The following ST8SIA4 variants were observed in gnomAD, a reference collection of about 807,000 sequenced individuals.
ST8SIA4 encodes CMP-N-acetylneuraminate-poly-alpha-2,8-sialyltransferase.
ST8SIA4 carries 15 observed loss-of-function variants against 33.9 expected under a neutral mutation model. That is an observed-to-expected ratio of 0.44 (90% CI 0.30 to 0.68). ST8SIA4 has a LOEUF of 0.68. ST8SIA4 is among the 30% of genes least tolerant of loss of function. ST8SIA4 has a pLI of 0.10. For missense variants in ST8SIA4, 321 were observed against 428.0 expected, an observed-to-expected ratio of 0.75 and a Z score of 2.21; for synonymous variants, 171 against 151.2, an observed-to-expected ratio of 1.13 and a Z score of -0.96.
At position 100,811,903 on chromosome 5, in the gene ST8SIA4, C is replaced by T. The variant is rs1486043870; in HGVS notation, c.1024G>A (p.Val342Met). The change falls in exon 5 of 5, where the codon GTG becomes ATG. Residue 342 changes from valine to methionine, a missense_variant. Val to Met is a conservative substitution (Grantham distance 21). Transcript: ENST00000231461. The stretch of plus-strand genomic sequence containing the variant: ...TTTAGAGCTCCTCTATTATGTAGCA[C>T]ATTTAATGTTTTGAATTCTAATGGC... ...RMPLEFKTLN[V>M]LHNRGALKLT... is the part of the protein sequence containing the mutation. 1 of 1,614,112 alleles carries T rather than the reference C, an allele frequency of 6.2e-7. No homozygotes were observed. The highest frequency in any genetic ancestry group is 1.1e-5 in the South Asian group (1 of 91,084).
intron 4 of ST8SIA4, among the ~76,000 whole-genome samples, chr5:100,844,423 T>G (rs1751526539): frequency 6.6e-6 from 1 of 151,838 alleles, no homozygotes; most frequent in South Asian, 2.1e-4. Context: ...TCCAGCAGAA[T>G]AGTGGGGAAC....
chr5:100,824,087 T>C (rs1751090226), intron 4 of ST8SIA4, among the ~76,000 whole-genome samples: 1 of 152,206 alleles, frequency 6.6e-6, no homozygotes, highest in Non-Finnish European at 1.5e-5. Flanking sequence ...AATCACTTGT[T>C]TGATGATTGG....
intron 4 of ST8SIA4, among the ~76,000 whole-genome samples, chr5:100,820,887 A>G (rs1751019442): frequency 6.6e-6 from 1 of 152,102 alleles, no homozygotes; most frequent in African/African-American, 2.4e-5. Flanking sequence ...GGCAAATTGG[A>G]GGTAGAGTAA....
At chr5:100,895,933 G>A in intron 1 of ST8SIA4, 148 bp from the exon 2 acceptor site, 1 of 710,370 alleles carries the variant, frequency 1.4e-6, no homozygotes, top group Non-Finnish European at 2.2e-6. Flanking sequence ...CATGATGAAA[G>A]GTGTTATGAG....
intron 3 of ST8SIA4, among the ~76,000 whole-genome samples, chr5:100,862,619 C>T (rs1257635263): frequency 6.6e-5 from 10 of 152,106 alleles, no homozygotes. Context: ...TCATGCTCGT[C>T]TTAAACTCCT....
At chr5:100,822,598 G>A (rs1035930894) in intron 4 of ST8SIA4, among the ~76,000 whole-genome samples, 1 of 152,156 alleles carries the variant, frequency 6.6e-6, no homozygotes, top group Non-Finnish European at 1.5e-5. Context: ...GAATCAATAT[G>A]TAAATGAAAT....
intron 3 of ST8SIA4, among the ~76,000 whole-genome samples, chr5:100,881,986 C>A (rs1214987942): frequency 6.6e-6 from 1 of 152,148 alleles, no homozygotes; most frequent in Non-Finnish European, 1.5e-5. Context: ...CAGCTGAATA[C>A]AAACTAATAC....
rs757726227 is a variant in ST8SIA4 at position 100,811,960 on chromosome 5, T to C, written c.967A>G (p.Arg323Gly). The stretch of plus-strand genomic sequence containing the variant: ...TGAGGGCTTGCATTGGAAAAGTACC[T>C]ATATTTTAAGTCATCATAATAATGA... ...KYHYYDDLKY[R>G]YFSNASPHRM... is the part of the protein sequence containing the mutation. Residue 323 changes from arginine (R) to glycine (G), a missense_variant, in exon 5 of 5, where the codon AGG (arginine) becomes GGG (glycine). By Grantham distance (125) the Arg-to-Gly change is moderately radical (BLOSUM62 -2). Coordinates refer to ENST00000231461, the MANE Select transcript of ST8SIA4 (RefSeq NM_005668.6). The C allele has an allele frequency of 6.2e-7, 1 of 1,614,132 alleles. No individual in the cohort carries two copies. The highest frequency in any genetic ancestry group is 1.7e-5 in the Admixed American group (1 of 60,020).
intron 4 of ST8SIA4, among the ~76,000 whole-genome samples, chr5:100,840,794 A>T (rs933782877): frequency 2.0e-5 from 3 of 151,892 alleles, no homozygotes; most frequent in Admixed American, 6.6e-5. Flanking sequence ...TAAGAAAAAA[A>T]AAAAGTCCCC....
chr5:100,869,228 A>G (rs1185197303), intron 3 of ST8SIA4, among the ~76,000 whole-genome samples: 1 of 152,156 alleles, frequency 6.6e-6, no homozygotes, highest in Admixed American at 6.5e-5. Context: ...AGGCACTGAC[A>G]AGTGTATTTG....
At chr5:100,902,336 A>G (rs1201286095) in intron 1 of ST8SIA4, among the ~76,000 whole-genome samples, 1 of 152,030 alleles carries the variant, frequency 6.6e-6, no homozygotes, top group Non-Finnish European at 1.5e-5. Flanking sequence ...TCTAATTCAA[A>G]TTATAACACA....
chr5:100,879,136 A>G (rs780785092), intron 3 of ST8SIA4, among the ~76,000 whole-genome samples: 9 of 152,206 alleles, frequency 5.9e-5, no homozygotes, highest in Non-Finnish European at 1.3e-4. Flanking sequence ...TTACCTTTCT[A>G]TACTTCTTGG....
chr5:100,816,636 T>C (rs1056143201), intron 4 of ST8SIA4: 1 of 502,984 alleles, frequency 2.0e-6, no homozygotes, highest in Non-Finnish European at 4.0e-6. Context: ...TAGAAGAATT[T>C]GAATATCAAG....
At chr5:100,872,716 T>C (rs964520951) in intron 3 of ST8SIA4, among the ~76,000 whole-genome samples, 5 of 152,046 alleles carry the variant, frequency 3.3e-5, no homozygotes, top group East Asian at 1.9e-4. Flanking sequence ...CCCAGCCATA[T>C]GGAATTGTGA....
chr5:100,865,427 C>T (rs976476421), intron 3 of ST8SIA4, among the ~76,000 whole-genome samples: 1 of 152,018 alleles, frequency 6.6e-6, no homozygotes, highest in African/African-American at 2.4e-5. Flanking sequence ...TAGACATATT[C>T]TCTCTCAATT....
chr5:100,836,476 A>G (rs915621438), intron 4 of ST8SIA4, among the ~76,000 whole-genome samples: 4 of 151,980 alleles, frequency 2.6e-5, no homozygotes, highest in Admixed American at 2.6e-4. Flanking sequence ...ACGGTAGACT[A>G]CTAATGGATA....
At chr5:100,863,184 C>A (rs1256539343) in intron 3 of ST8SIA4, among the ~76,000 whole-genome samples, 2 of 152,126 alleles carry the variant, frequency 1.3e-5, no homozygotes, top group Non-Finnish European at 2.9e-5. Context: ...TTGTGCTCCT[C>A]TGAAAAGCCA....
intron 2 of ST8SIA4, among the ~76,000 whole-genome samples, chr5:100,889,405 T>C (rs1019603752): frequency 7.2e-5 from 11 of 151,920 alleles, no homozygotes; most frequent in African/African-American, 2.7e-4. Flanking sequence ...TATTTGAAGA[T>C]GTACACTCCC....
At chr5:100,814,860 A>C (rs1194527324) in intron 4 of ST8SIA4, among the ~76,000 whole-genome samples, 3 of 151,994 alleles carry the variant, frequency 2.0e-5, no homozygotes, top group Non-Finnish European at 4.4e-5. Context: ...ATCAAAAGCT[A>C]GAGCCCAGAC....
Sources: gnomAD v4.1 joint callset for allele counts (sites outside exome capture counted in the v4.1 genomes callset) on GRCh38, gnomAD v4.1.1 for gene constraint, MANE v1.5 for transcripts, NCBI Gene and HGNC (gene_info 2026-07-23, HGNC 2026-07-21) for gene names.